EEPD1: variants seen among roughly 807,000 people sequenced by gnomAD.
The protein encoded by EEPD1 is endonuclease/exonuclease/phosphatase family domain containing 1, also known as endonuclease/exonuclease/phosphatase family domain-containing protein 1.
EEPD1 carries 17 observed loss-of-function variants against 46.3 expected under a neutral mutation model. The observed-to-expected ratio is 0.37, with a 90% CI of 0.25 to 0.55. The LOEUF (loss-of-function observed/expected upper bound fraction) is 0.55. Among genes scored for constraint, EEPD1 ranks in the 20% least tolerant of loss-of-function variants. The pLI, the probability that EEPD1 is intolerant of heterozygous loss-of-function variation, is 0.83. For synonymous variants in EEPD1, 313 were observed against 315.6 expected, an observed-to-expected ratio of 0.99 and a Z score of 0.09; for missense variants, 673 against 745.6, an observed-to-expected ratio of 0.90 and a Z score of 1.13.
intron 2 of EEPD1, among the ~76,000 whole-genome samples, chr7:36,177,381 C>T (rs1401632783): frequency 1.3e-5 from 2 of 152,182 alleles, no homozygotes; most frequent in South Asian, 2.1e-4. Context: ...AGGTAGTGAG[C>T]ATAGTACCCA....
chr7:36,190,659 C>G (rs1558661), intron 2 of EEPD1, among the ~76,000 whole-genome samples: 19,669 of 152,242 alleles, frequency 0.13, 1,690 homozygotes, highest in Non-Finnish European at 0.19. Context: ...TTCCTTTGTT[C>G]CAATGGGTTT....
At chr7:36,298,916 A>G in intron 7 of EEPD1, 91 bp from the exon 8 acceptor site, 2 of 1,456,484 alleles carry the variant, frequency 1.4e-6, no homozygotes, top group Non-Finnish European at 1.9e-6. Flanking sequence ...GCCTGCAGAC[A>G]TGCGGTGTGA....
At chr7:36,208,700 G>T (rs1210092880) in intron 2 of EEPD1, among the ~76,000 whole-genome samples, 7 of 152,194 alleles carry the variant, frequency 4.6e-5, no homozygotes, top group African/African-American at 1.4e-4. Flanking sequence ...GAATACTTGT[G>T]GGTCCTCTAT....
At chr7:36,217,334 A>G (rs1480229881) in intron 2 of EEPD1, among the ~76,000 whole-genome samples, 2 of 152,254 alleles carry the variant, frequency 1.3e-5, no homozygotes, top group Non-Finnish European at 2.9e-5. Flanking sequence ...TCACTTACAA[A>G]CTGTCATGGC....
rs561986715 is a variant in EEPD1, at chr7:36,156,516, A to G, written c.878+1314A>G. ...GGCTTGATAATTGTTCTCTTTATCC[A>G]TAGCAGCATGGGCGTGTGAATGGGA... On this transcript the variant is annotated intron_variant, in intron 2 of 7. Coordinates refer to ENST00000242108, the MANE Select transcript of EEPD1 (RefSeq NM_030636.3). Among the ~76,000 whole-genome samples, 17 of 152,322 alleles carry G rather than the reference A, an allele frequency of 1.1e-4. No homozygotes were observed. In the East Asian group the frequency reaches 3.3e-3, roughly 29 times the overall value.
chr7:36,265,595 C>T (rs985550764), intron 3 of EEPD1, among the ~76,000 whole-genome samples: 22 of 152,280 alleles, frequency 1.4e-4, no homozygotes, highest in Non-Finnish European at 2.8e-4. Flanking sequence ...TGTTGGCTTT[C>T]TCTCTCTTCC....
chr7:36,198,652 C>T (rs907604458), intron 2 of EEPD1, among the ~76,000 whole-genome samples: 4 of 152,196 alleles, frequency 2.6e-5, no homozygotes, highest in Non-Finnish European at 4.4e-5. Flanking sequence ...TCCTTCTTCC[C>T]TGAAAATCGA....
chr7:36,177,426 C>T (rs1435327914), intron 2 of EEPD1, among the ~76,000 whole-genome samples: 1 of 152,144 alleles, frequency 6.6e-6, no homozygotes, highest in Non-Finnish European at 1.5e-5. Flanking sequence ...CCCACTCCCT[C>T]CCTTCTAGTA....
chr7:36,168,250 T>C (rs1785018707), intron 2 of EEPD1, among the ~76,000 whole-genome samples: 1 of 152,246 alleles, frequency 6.6e-6, no homozygotes, highest in Non-Finnish European at 1.5e-5. Context: ...CCCCACATGC[T>C]GTTGCCTTGA....
In EEPD1 at chr7:36,297,113, G is replaced by A. The variant is rs776992343; in HGVS notation, c.1436G>A (p.Ser479Asn). The A allele has an allele frequency of 1.1e-5, 17 of 1,614,092 alleles. No homozygotes were observed. Among genetic ancestry groups the A allele is most frequent in the South Asian group, 8.8e-5 (8 of 91,086 alleles). Residue 479 changes from serine (S) to asparagine (N), a missense_variant, in exon 7 of 8, where the codon AGC becomes AAC. Physicochemically the swap from Ser to Asn is conservative, Grantham distance 46. Coordinates refer to ENST00000242108, the MANE Select transcript of EEPD1 (RefSeq NM_030636.3). ...CCCGCGCACACCTTCACCAACATCA[G>A]CACCAAGAACCCTCAAGGCTCGAAG... Reference protein sequence around the residue: ...LIPAHTFTNISTKNPQGSKSL... With the variant: ...LIPAHTFTNINTKNPQGSKSL...
intron 2 of EEPD1, among the ~76,000 whole-genome samples, chr7:36,166,241 G>A (rs375168417): frequency 4.6e-5 from 7 of 152,316 alleles, no homozygotes; most frequent in South Asian, 2.1e-4. Flanking sequence ...AATTGTTTGT[G>A]TTATGTTAGT....
intron 2 of EEPD1, among the ~76,000 whole-genome samples, chr7:36,196,744 C>T (rs952907293): frequency 2.0e-5 from 3 of 152,304 alleles, no homozygotes; most frequent in Non-Finnish European, 2.9e-5. Flanking sequence ...AGTGCAGTGG[C>T]GTGATCTCGG....
At chr7:36,198,548 A>G (rs1785655428) in intron 2 of EEPD1, among the ~76,000 whole-genome samples, 1 of 152,114 alleles carries the variant, frequency 6.6e-6, no homozygotes, top group Non-Finnish European at 1.5e-5. Context: ...TTGTCAATTA[A>G]TAAATAAATA....
chr7:36,271,717 T>TTTG (rs1787104621), intron 3 of EEPD1, among the ~76,000 whole-genome samples: 1 of 111,986 alleles, frequency 8.9e-6, no homozygotes, highest in African/African-American at 3.0e-5. Context: ...TTGCCTAGGT[T>TTTG]TTCATGGTTT....
chr7:36,217,783 G>A (rs1280763175), intron 2 of EEPD1, among the ~76,000 whole-genome samples: 1 of 152,180 alleles, frequency 6.6e-6, no homozygotes, highest in African/African-American at 2.4e-5. Flanking sequence ...GATTAGAGAG[G>A]CCATGGGCTC....
chr7:36,290,629 C>G (rs556319841), intron 6 of EEPD1, among the ~76,000 whole-genome samples: 15 of 152,274 alleles, frequency 9.9e-5, no homozygotes, highest in South Asian at 8.3e-4. Flanking sequence ...ATGCCAGTCC[C>G]CTAGTGGAAC....
intron 2 of EEPD1, among the ~76,000 whole-genome samples, chr7:36,179,888 C>T (rs927289339): frequency 2.0e-5 from 3 of 152,110 alleles, no homozygotes; most frequent in African/African-American, 4.8e-5. Flanking sequence ...GTTTGTGAAG[C>T]ACAGTTACCT....
chr7:36,219,806 A>AGAGAGTGTGT (rs1341203087), intron 2 of EEPD1, among the ~76,000 whole-genome samples: 201 of 75,426 alleles, frequency 2.7e-3, no homozygotes, highest in African/African-American at 8.6e-3. Context: ...AGAGAGAGAG[A>AGAGAGTGTGT]GTGTGTGTGT....
At chr7:36,180,564 G>A (rs1054100994) in intron 2 of EEPD1, among the ~76,000 whole-genome samples, 4 of 152,154 alleles carry the variant, frequency 2.6e-5, no homozygotes, top group African/African-American at 7.2e-5. Flanking sequence ...TATTAAACAT[G>A]CTTGGAACAC....
Sources: allele counts gnomAD v4.1 joint callset (sites outside exome capture counted in the v4.1 genomes callset), GRCh38; gene constraint gnomAD v4.1.1; transcripts MANE v1.5; gene names NCBI Gene and HGNC (gene_info 2026-07-23, HGNC 2026-07-21).